ASTN2: variants seen among roughly 807,000 people sequenced by gnomAD.
ASTN2 encodes astrotactin-2.
ASTN2 carries 54 observed loss-of-function variants against 139.8 expected under a neutral mutation model. The observed-to-expected ratio is 0.39, with a 90% CI of 0.31 to 0.48. The LOEUF is 0.48. ASTN2 is among the 20% of genes least tolerant of loss of function. The probability of loss-of-function intolerance (pLI) is 0.95; values close to 1 mark genes in which losing one functional copy is unlikely to be tolerated. For missense variants in ASTN2, 1,565 were observed against 1,725.1 expected (o/e 0.91, Z 1.64); for synonymous variants, 756 against 719.5 (o/e 1.05, Z -0.81).
chr9:117,008,378 T>TAAGTGCACATTGC, intron 6 of ASTN2, 119 bp from the exon 7 acceptor site: 3 of 883,000 alleles, frequency 3.4e-6, no homozygotes, highest in Non-Finnish European at 4.9e-6. Context: ...CTCATTTGTC[T>TAAGTGCACATTGC]AAGTGCACTT....
chr9:117,017,238 TTTTAA>T (rs1321729305), intron 6 of ASTN2, among the ~76,000 whole-genome samples: 2 of 117,752 alleles, frequency 1.7e-5, no homozygotes, highest in East Asian at 2.3e-4. Context: ...AACTCTTTTC[TTTTAA>T]TTTAATTCTT....
chr9:116,648,288 C>T (rs1312068956), intron 17 of ASTN2, among the ~76,000 whole-genome samples: 1 of 152,126 alleles, frequency 6.6e-6, no homozygotes, highest in African/African-American at 2.4e-5. Context: ...GTGTGAGTCA[C>T]CGCACTTGGC....
chr9:117,003,952 G>GCA (rs1159456038), intron 7 of ASTN2, among the ~76,000 whole-genome samples: 141 of 140,672 alleles, frequency 1.0e-3, no homozygotes, highest in Middle Eastern at 3.7e-3. Context: ...GCGCGCGCGC[G>GCA]CGTGTGTGTG....
At chr9:117,250,176 C>A (rs1341799280) in intron 2 of ASTN2, among the ~76,000 whole-genome samples, 6 of 152,208 alleles carry the variant, frequency 3.9e-5, no homozygotes, top group African/African-American at 1.4e-4. Flanking sequence ...GTGATGCAGA[C>A]ATAGGAACTG....
At chr9:117,405,639 C>T (rs1261715909) in intron 1 of ASTN2, among the ~76,000 whole-genome samples, 1 of 152,092 alleles carries the variant, frequency 6.6e-6, no homozygotes, top group Admixed American at 6.5e-5. Flanking sequence ...TCTGCTTTAC[C>T]ACAGGCTTGG....
At chr9:117,210,513 A>T (rs1832085926) in intron 3 of ASTN2, among the ~76,000 whole-genome samples, 1 of 152,146 alleles carries the variant, frequency 6.6e-6, no homozygotes, top group Non-Finnish European at 1.5e-5. Context: ...CCACAAAGAA[A>T]TGGAAAACCT....
chr9:117,251,806 A>G (rs532102642), intron 2 of ASTN2, among the ~76,000 whole-genome samples: 1 of 152,294 alleles, frequency 6.6e-6, no homozygotes, highest in African/African-American at 2.4e-5. Flanking sequence ...AGGGAAGATG[A>G]TAGTGTAAGA....
intron 10 of ASTN2, among the ~76,000 whole-genome samples, chr9:116,864,719 C>T (rs537738099): frequency 2.0e-4 from 30 of 152,274 alleles, no homozygotes; most frequent in Middle Eastern, 6.8e-3. Context: ...AAGGGAAATG[C>T]CTGCAGCCAC....
chr9:116,976,445 C>A (rs948175768), intron 8 of ASTN2, among the ~76,000 whole-genome samples: 2 of 152,174 alleles, frequency 1.3e-5, no homozygotes, highest in African/African-American at 4.8e-5. Flanking sequence ...AGAAAGTGTT[C>A]ATTGATTACT....
rs750626801 is a variant in ASTN2 at position 116,699,681 on chromosome 9, C to T, written c.2806+26090G>A. On this transcript the variant is annotated intron_variant, in intron 16 of 22. Transcript: ENST00000313400. The surrounding 1 kb of genome is among the most constrained non-coding windows in gnomAD (Gnocchi z 4.2). ...TTGCATCAAGATCTACAGCTACCAT[C>T]TGAGAAGATATTCCACCCCATAGGG... 1.2e-6 allele frequency: 2 copies of T among 1,614,228 alleles called. No homozygotes were observed. Among genetic ancestry groups the T allele is most frequent in the Non-Finnish European group, 8.5e-7 (1 of 1,180,046 alleles).
chr9:117,084,328 G>A (rs1828506513), intron 5 of ASTN2, among the ~76,000 whole-genome samples: 1 of 152,186 alleles, frequency 6.6e-6, no homozygotes, highest in African/African-American at 2.4e-5. Flanking sequence ...AGAACCTTCT[G>A]GAGGAAGGAG....
At chr9:117,192,871 A>G (rs1831384695) in intron 3 of ASTN2, among the ~76,000 whole-genome samples, 2 of 152,244 alleles carry the variant, frequency 1.3e-5, no homozygotes, top group African/African-American at 4.8e-5. Context: ...TGTGTCTCTC[A>G]AAAGTGTTCA....
chr9:117,125,169 T>C (rs1829656421), intron 4 of ASTN2, among the ~76,000 whole-genome samples: 1 of 152,216 alleles, frequency 6.6e-6, no homozygotes, highest in Non-Finnish European at 1.5e-5. Flanking sequence ...AATAATCTCT[T>C]TGCAAAGCTT....
intron 16 of ASTN2, among the ~76,000 whole-genome samples, chr9:116,673,677 A>G (rs1479702660): frequency 2.0e-5 from 3 of 152,182 alleles, no homozygotes; most frequent in Admixed American, 2.0e-4. Flanking sequence ...ACACAAGGCA[A>G]AAAAATGCCT....
intron 17 of ASTN2, among the ~76,000 whole-genome samples, chr9:116,644,347 A>G (rs2131903144): frequency 6.6e-6 from 1 of 152,330 alleles, no homozygotes; most frequent in Non-Finnish European, 1.5e-5. Flanking sequence ...AAATGCTCAC[A>G]GGATTGGAAG....
At chr9:117,002,296 C>T (rs1004107930) in intron 7 of ASTN2, among the ~76,000 whole-genome samples, 5 of 152,024 alleles carry the variant, frequency 3.3e-5, no homozygotes, top group Admixed American at 2.6e-4. Flanking sequence ...ATCCATTCTA[C>T]TGAGAAGAAG....
rs550401007 is a variant in ASTN2 at position 116,637,807 on chromosome 9, G to A, written c.3072+13721C>T. Among the ~76,000 whole-genome samples, 20 of 152,248 alleles carry A rather than the reference G, an allele frequency of 1.3e-4. No individual in the cohort carries two copies. The South Asian group carries it at 4.1e-3, about 32-fold the overall frequency. On this transcript the variant is annotated intron_variant, in intron 17 of 22. Transcript: ENST00000313400. ...ATACAAAAATTATCCAAGCATGGTG[G>A]CATGTGCCTATAGTCCCAGCTACTT...
intron 3 of ASTN2, among the ~76,000 whole-genome samples, chr9:117,155,422 G>A (rs967334864): frequency 2.0e-5 from 3 of 151,948 alleles, no homozygotes; most frequent in African/African-American, 7.2e-5. Flanking sequence ...TGTACGGGTG[G>A]ACGGGTCTTG....
chr9:117,253,531 A>T (rs530233764), intron 2 of ASTN2, among the ~76,000 whole-genome samples: 46 of 151,446 alleles, frequency 3.0e-4, no homozygotes, highest in African/African-American at 1.1e-3. Context: ...GACAAAAGCA[A>T]GGGAGGGACA....
Sources: gnomAD v4.1 joint callset for allele counts (sites outside exome capture counted in the v4.1 genomes callset) on GRCh38, gnomAD v4.1.1 for gene constraint, Gnocchi (gnomAD v3.1) non-coding constraint, MANE v1.5 for transcripts, NCBI Gene and HGNC (gene_info 2026-07-23, HGNC 2026-07-21) for gene names.